Variants in MDN1 observed in about 807,000 individuals in gnomAD.
The protein encoded by MDN1 is midasin.
MDN1 carries 266 observed loss-of-function variants against 669.2 expected under a neutral mutation model. That is an observed-to-expected ratio of 0.40 (90% CI 0.36 to 0.44). MDN1 has a LOEUF of 0.44. MDN1 is among the 20% of genes least tolerant of loss of function. The pLI, the probability that MDN1 is intolerant of heterozygous loss-of-function variation, is 1.00. For missense variants in MDN1, 5,940 were observed against 6,754.0 expected (o/e 0.88, Z 4.22); for synonymous variants, 2,385 against 2,457.1 (o/e 0.97, Z 0.87).
intron 33 of MDN1, among the ~76,000 whole-genome samples, chr6:89,737,454 C>T (rs1816049935): frequency 6.6e-6 from 1 of 151,826 alleles, no homozygotes; most frequent in African/African-American, 2.4e-5. Context: ...AGTCTTGGAA[C>T]CAGATCTGGG....
intron 17 of MDN1, among the ~76,000 whole-genome samples, chr6:89,761,028 T>C (rs536185962): frequency 2.0e-5 from 3 of 152,130 alleles, no homozygotes; most frequent in Non-Finnish European, 2.9e-5. Context: ...TAGCCGGGCA[T>C]GGTGGCATGC....
In MDN1 at chr6:89,667,995, T is replaced by C; in HGVS notation, c.14094+19A>G. On this transcript the variant is annotated intron_variant, in intron 84 of 101. Transcript: ENST00000369393. ...AGAGAGTGATCTTCTGTCAACTGTA[T>C]ACCTATGTGAAAACGTACCTGTTCT... 1.2e-6 allele frequency: 2 copies of C among 1,612,772 alleles called. No individual in the cohort carries two copies. Among genetic ancestry groups the C allele is most frequent in the Non-Finnish European group, 1.7e-6 (2 of 1,179,162 alleles).
In MDN1 at chr6:89,643,075, A is replaced by AAAC. The variant is rs1187759314; in HGVS notation, c.*927_*929dup. ...TCAGCACTGCTTTCTGGCCAAGTAA[A>AAAC]AACTGCCTAAAGATCAGTTTCTTTC... On this transcript the variant is annotated 3_prime_UTR_variant, in exon 102 of 102. Coordinates refer to ENST00000369393, the MANE Select transcript of MDN1 (RefSeq NM_014611.3). The AAAC allele has an allele frequency of 6.6e-6, 1 of 152,256 alleles. No homozygotes were observed. Among genetic ancestry groups the AAAC allele is most frequent in the Non-Finnish European group, 1.5e-5 (1 of 68,050 alleles). The allele number at this position is 152,256 out of a possible 1,614,324, so 9.4% of individuals were successfully genotyped here.
At chr6:89,782,952 C>T (rs939374720) in intron 9 of MDN1, among the ~76,000 whole-genome samples, 1 of 152,138 alleles carries the variant, frequency 6.6e-6, no homozygotes, top group Non-Finnish European at 1.5e-5. Context: ...ATCTCTTAAT[C>T]CTGTTATCTT....
At chr6:89,679,453 CAT>C (rs1811451993) in intron 74 of MDN1, among the ~76,000 whole-genome samples, 2 of 152,168 alleles carry the variant, frequency 1.3e-5, no homozygotes, top group Admixed American at 6.5e-5. Flanking sequence ...CCCCTCAATT[CAT>C]ATGTTAAAGT....
At chr6:89,700,471 T>TG (rs1002599700) in intron 56 of MDN1, among the ~76,000 whole-genome samples, 175 bp downstream of exon 56, 3 of 152,182 alleles carry the variant, frequency 2.0e-5, no homozygotes, top group African/African-American at 7.2e-5. Flanking sequence ...ATGATTCTGA[T>TG]GGAATTAAAA....
At chr6:89,761,904 A>T (rs1185824553) in intron 16 of MDN1, among the ~76,000 whole-genome samples, 156 bp from the exon 17 acceptor site, 3 of 152,252 alleles carry the variant, frequency 2.0e-5, no homozygotes, top group Admixed American at 2.0e-4. Flanking sequence ...AATGCCAGAC[A>T]TGACACTAAT....
At chr6:89,723,908 G>C (rs1352226091) in intron 38 of MDN1, among the ~76,000 whole-genome samples, 1 of 152,120 alleles carries the variant, frequency 6.6e-6, no homozygotes, top group Admixed American at 6.5e-5. Context: ...ACTTTGGGAG[G>C]CCAAGGCAGG....
At position 89,819,657 on chromosome 6, in the gene MDN1, C is replaced by T. The variant is rs776203691; in HGVS notation, c.-50G>A. 2 of 1,519,668 alleles carry T rather than the reference C, an allele frequency of 1.3e-6. No homozygotes were observed. The highest frequency in any genetic ancestry group is 2.2e-5 in the South Asian group (2 of 89,326). 94.1% of individuals were successfully genotyped at this position (1,519,668 alleles called of 1,614,324 possible). A position where few individuals can be genotyped will look rare whatever the true frequency, so the allele number is the denominator to read the frequency against. On this transcript the variant is annotated 5_prime_UTR_variant, in exon 1 of 102. Transcript: ENST00000369393. The stretch of plus-strand genomic sequence containing the variant: ...GCCACCTGCGCTCCCTACTTCGCGG[C>T]CAGCGTCCCCAAGCCGCCGAGGTCC...
At position 89,789,864 on chromosome 6, in the gene MDN1, C is replaced by G; in HGVS notation, c.1146G>C (p.Val382=). The part of the protein sequence containing the change: ...YRCTDVPGEF[V]WQPGTLTQAA... The stretch of plus-strand genomic sequence containing the variant: ...CCTGTGTCAGGGTGCCAGGCTGCCA[C>G]ACAAACTCTCCAGGAACATCTGTGC... The change falls in exon 7 of 102, where the codon GTG becomes GTC. Residue 382 remains valine, a synonymous_variant. Coordinates refer to ENST00000369393, the MANE Select transcript of MDN1 (RefSeq NM_014611.3). The G allele has an allele frequency of 6.2e-7, 1 of 1,614,060 alleles. No individual in the cohort carries two copies. The highest frequency in any genetic ancestry group is 8.5e-7 in the Non-Finnish European group (1 of 1,180,000).
chr6:89,744,130 A>G (rs1816458351), intron 29 of MDN1, among the ~76,000 whole-genome samples: 1 of 151,528 alleles, frequency 6.6e-6, no homozygotes, highest in African/African-American at 2.4e-5. Flanking sequence ...AAAAAAAAAA[A>G]ACCACCACCA....
intron 38 of MDN1, 27 bp from the exon 39 acceptor site, chr6:89,723,646 A>AAATAAT: frequency 7.4e-7 from 1 of 1,349,358 alleles, no homozygotes; most frequent in South Asian, 1.4e-5. Context: ...AATATGAAGA[A>AAATAAT]ATGCCTTTGT....
chr6:89,760,490 A>T (rs566122278), intron 17 of MDN1, among the ~76,000 whole-genome samples: 2 of 152,302 alleles, frequency 1.3e-5, no homozygotes, highest in South Asian at 2.1e-4. Flanking sequence ...TCCCAAAAAA[A>T]ATCTGAAAAC....
intron 14 of MDN1, 117 bp downstream of exon 14, chr6:89,772,456 T>G (rs1584348086): frequency 9.3e-7 from 1 of 1,075,612 alleles, no homozygotes; most frequent in Non-Finnish European, 1.3e-6. Context: ...AGAGATTACA[T>G]GTGGGGTGCT....
chr6:89,670,170 A>ATATATATATT (rs1444537561), intron 83 of MDN1, among the ~76,000 whole-genome samples: 36 of 23,376 alleles, frequency 1.5e-3, no homozygotes, highest in Admixed American at 4.8e-3. Context: ...ATATATATAT[A>ATATATATATT]TTTTTTTTTT....
At chr6:89,806,613 G>A (rs1265510683) in intron 1 of MDN1, among the ~76,000 whole-genome samples, 1 of 152,110 alleles carries the variant, frequency 6.6e-6, no homozygotes, top group Non-Finnish European at 1.5e-5. Context: ...AGCTACTTGG[G>A]AGGCTGGGGC....
In MDN1 at chr6:89,658,613, G is replaced by A. The variant is rs750110733; in HGVS notation, c.15018C>T (p.Pro5006=). ...AAAGCCAGACATCTCATGATACCTG[G>A]GGCTGGAAACCTTGGTCAGCAGGGC... is the stretch of plus-strand genomic sequence containing the variant. The part of the protein sequence containing the change: ...ENGPADQGFQ[P]QEEEEREDSD... The change falls in exon 89 of 102, where the codon CCC becomes CCT. Residue 5006 remains proline, a synonymous_variant. Coordinates refer to ENST00000369393, the MANE Select transcript of MDN1 (RefSeq NM_014611.3). 4 of 1,605,646 alleles carry A rather than the reference G, an allele frequency of 2.5e-6. No homozygotes were observed. Among genetic ancestry groups the A allele is most frequent in the Middle Eastern group, 1.7e-4 (1 of 6,034 alleles).
At chr6:89,664,926 AT>A (rs1160610479) in intron 84 of MDN1, among the ~76,000 whole-genome samples, 1 of 152,214 alleles carries the variant, frequency 6.6e-6, no homozygotes, top group Non-Finnish European at 1.5e-5. Flanking sequence ...ATCTTTTATT[AT>A]CCAATTCTTT....
At chr6:89,762,856 C>G (rs1817625244) in intron 15 of MDN1, among the ~76,000 whole-genome samples, 2 of 151,990 alleles carry the variant, frequency 1.3e-5, no homozygotes, top group African/African-American at 4.8e-5. Flanking sequence ...GGAGTTCAAG[C>G]CCACCCTGGG....
Sources: gnomAD v4.1 joint callset for allele counts (sites outside exome capture counted in the v4.1 genomes callset) on GRCh38, gnomAD v4.1.1 for gene constraint, MANE v1.5 for transcripts, NCBI Gene and HGNC (gene_info 2026-07-23, HGNC 2026-07-21) for gene names.